The following TUSC3 variants were observed in gnomAD, a reference collection of about 807,000 sequenced individuals.
TUSC3 encodes tumor suppressor candidate 3.
In TUSC3, 45 loss-of-function variants were observed where a neutral mutation model predicts 44.8. That is an observed-to-expected ratio of 1.00 (90% confidence interval 0.79 to 1.29). The LOEUF is 1.29. Ranked by LOEUF, TUSC3 falls within the 50% of genes most tolerant of loss-of-function variation. The probability of loss-of-function intolerance (pLI) is 0.00; values close to 1 mark genes in which losing one functional copy is unlikely to be tolerated. For missense variants in TUSC3, 519 were observed against 437.9 expected (o/e 1.19, Z -1.65); for synonymous variants, 212 against 152.9 (o/e 1.39, Z -2.85).
the TUSC3 span, among the ~76,000 whole-genome samples, chr8:15,840,741 A>T: frequency 4.6e-5 from 7 of 152,168 alleles, no homozygotes; most frequent in Non-Finnish European, 7.4e-5. Context: ...TTGTGCTTAT[A>T]ATTTTTATCC....
chr8:15,676,200 A>G (rs940385524), intron 6 of TUSC3, among the ~76,000 whole-genome samples: 3 of 152,146 alleles, frequency 2.0e-5, no homozygotes, highest in Non-Finnish European at 4.4e-5. Context: ...AATGTATGTA[A>G]TTAAATTATT....
At chr8:15,696,483 A>C (rs1267890918) in intron 6 of TUSC3, among the ~76,000 whole-genome samples, 1 of 152,074 alleles carries the variant, frequency 6.6e-6, no homozygotes, top group East Asian at 1.9e-4. Flanking sequence ...GTGGAAGGGA[A>C]ATGTGGGGTC....
chr8:15,682,300 G>A (rs1375541828), intron 6 of TUSC3, among the ~76,000 whole-genome samples: 4 of 152,110 alleles, frequency 2.6e-5, no homozygotes, highest in Non-Finnish European at 5.9e-5. Context: ...AAGTCTTTTT[G>A]TAAGTCTAGA....
intron 2 of TUSC3, among the ~76,000 whole-genome samples, chr8:15,650,216 A>C (rs190351611): frequency 2.6e-5 from 4 of 152,348 alleles, no homozygotes; most frequent in Admixed American, 2.6e-4. Context: ...TTAAAATTTT[A>C]AAACTATTAA....
chr8:15,763,753 G>C (rs1812245259), intron 10 of TUSC3, among the ~76,000 whole-genome samples: 1 of 151,764 alleles, frequency 6.6e-6, no homozygotes, highest in Non-Finnish European at 1.5e-5. Context: ...TACTCTTTTT[G>C]GTTGTTCAAT....
At chr8:15,604,246 A>G (rs1804425695) in intron 1 of TUSC3, among the ~76,000 whole-genome samples, 1 of 151,698 alleles carries the variant, frequency 6.6e-6, no homozygotes, top group African/African-American at 2.4e-5. Context: ...ATACACATAA[A>G]GATAGATTTG....
intron 6 of TUSC3, among the ~76,000 whole-genome samples, chr8:15,700,954 C>T (rs184479390): frequency 7.5e-5 from 11 of 146,530 alleles, no homozygotes; most frequent in Admixed American, 6.3e-4. Context: ...TGTGTTAGTC[C>T]GGAGGTCCCT....
intron 2 of TUSC3, among the ~76,000 whole-genome samples, chr8:15,627,930 C>T (rs1805589413): frequency 1.3e-5 from 2 of 152,128 alleles, no homozygotes; most frequent in Non-Finnish European, 1.5e-5. Context: ...TCCAGTGGGC[C>T]AGAGTGAACC....
At chr8:15,684,649 T>A (rs906774464) in intron 6 of TUSC3, among the ~76,000 whole-genome samples, 1 of 152,156 alleles carries the variant, frequency 6.6e-6, no homozygotes, top group Non-Finnish European at 1.5e-5. Flanking sequence ...CCAGCTCTGA[T>A]GTCAGCACAT....
chr8:15,507,262 T>C (rs980740672), intron 2 of TUSC3, among the ~76,000 whole-genome samples: 3 of 152,240 alleles, frequency 2.0e-5, no homozygotes, highest in Admixed American at 1.3e-4. Context: ...TGGTTTGTCC[T>C]GTTGCATATT....
At chr8:15,432,089 T>C (rs1040507365) in intron 1 of TUSC3, among the ~76,000 whole-genome samples, 1 of 151,938 alleles carries the variant, frequency 6.6e-6, no homozygotes, top group Non-Finnish European at 1.5e-5. Flanking sequence ...ACATTGTTCT[T>C]GTCTGGCTTT....
intron 6 of TUSC3, among the ~76,000 whole-genome samples, chr8:15,689,725 C>T (rs1316417487): frequency 1.3e-5 from 2 of 151,886 alleles, no homozygotes; most frequent in African/African-American, 2.4e-5. Flanking sequence ...TTTTCTCTTC[C>T]TGTGTTAGTT....
At chr8:15,555,228 A>G (rs1802211301) in intron 1 of TUSC3, among the ~76,000 whole-genome samples, 1 of 127,284 alleles carries the variant, frequency 7.9e-6, no homozygotes, top group Admixed American at 9.0e-5. Flanking sequence ...GGCTTACTGC[A>G]ACCTCTGCCT....
At chr8:15,824,661 T>A in the TUSC3 span, among the ~76,000 whole-genome samples, 9 of 152,230 alleles carry the variant, frequency 5.9e-5, no homozygotes, top group Admixed American at 5.9e-4. Context: ...TAATGTTAAA[T>A]GACGAGTTAA....
At chr8:15,432,039 G>C (rs925236063) in intron 1 of TUSC3, among the ~76,000 whole-genome samples, 2 of 151,620 alleles carry the variant, frequency 1.3e-5, no homozygotes, top group Non-Finnish European at 2.9e-5. Context: ...GAGGATTTTT[G>C]TATCTGTGTT....
At chr8:15,501,567 G>C (rs1800965139) in intron 2 of TUSC3, among the ~76,000 whole-genome samples, 1 of 152,084 alleles carries the variant, frequency 6.6e-6, no homozygotes, top group Admixed American at 6.5e-5. Flanking sequence ...TTTTCAAATT[G>C]GTCACAATGT....
intron 2 of TUSC3, among the ~76,000 whole-genome samples, chr8:15,640,186 G>T (rs892157497): frequency 6.6e-6 from 1 of 152,142 alleles, no homozygotes; most frequent in African/African-American, 2.4e-5. Flanking sequence ...CATGCAGAGG[G>T]CATCTACATG....
chr8:15,659,702 G>T, intron 4 of TUSC3, 55 bp downstream of exon 4: 1 of 1,601,402 alleles, frequency 6.2e-7, no homozygotes, highest in Non-Finnish European at 8.5e-7. Context: ...TGTTTTTATG[G>T]AGCATTTTAA....
intron 1 of TUSC3, among the ~76,000 whole-genome samples, chr8:15,582,997 T>C (rs1230900546): frequency 1.3e-5 from 2 of 152,200 alleles, no homozygotes; most frequent in African/African-American, 2.4e-5. Context: ...TGTCTGTACA[T>C]TTTTATTTTG....
Sources: allele counts gnomAD v4.1 joint callset (sites outside exome capture counted in the v4.1 genomes callset), GRCh38; gene constraint gnomAD v4.1.1; transcripts MANE v1.5; gene names NCBI Gene and HGNC (gene_info 2026-07-23, HGNC 2026-07-21).